COL24A1: variants seen among roughly 807,000 people sequenced by gnomAD.
COL24A1 encodes the protein collagen type XXIV alpha 1 chain.
In COL24A1, 224 loss-of-function variants were observed where a neutral mutation model predicts 253.9. That is an observed-to-expected ratio of 0.88 (90% confidence interval 0.79 to 0.99). The LOEUF is 0.99. COL24A1 is among the 50% of genes least tolerant of loss of function. The probability of loss-of-function intolerance (pLI) is 0.00; values close to 1 mark genes in which losing one functional copy is unlikely to be tolerated. For synonymous variants in COL24A1, 685 were observed against 673.7 expected (o/e 1.02, Z -0.26); for missense variants, 2,131 against 2,068.5 (o/e 1.03, Z -0.59).
chr1:85,756,138 G>A (rs1294320854), intron 55 of COL24A1, among the ~76,000 whole-genome samples: 1 of 150,314 alleles, frequency 6.7e-6, no homozygotes, highest in Admixed American at 6.6e-5. Flanking sequence ...CTAAAGAAGA[G>A]GCTGGGCACA....
At chr1:85,910,157 G>A (rs41306625) in intron 25 of COL24A1, among the ~76,000 whole-genome samples, 154 bp from the exon 26 acceptor site, 17,752 of 151,674 alleles carry the variant, frequency 0.12, 1,156 homozygotes, top group South Asian at 0.23. Context: ...CAAATTTGGC[G>A]CTTTATCTTA....
intron 5 of COL24A1, among the ~76,000 whole-genome samples, chr1:86,107,427 T>C (rs1042418089): frequency 5.3e-5 from 8 of 152,188 alleles, no homozygotes; most frequent in African/African-American, 1.7e-4. Flanking sequence ...ATTCTAGAAA[T>C]GCATGTTAAG....
chr1:86,127,463 C>T (rs1482384632), intron 2 of COL24A1, among the ~76,000 whole-genome samples: 1 of 151,964 alleles, frequency 6.6e-6, no homozygotes, highest in Non-Finnish European at 1.5e-5. Flanking sequence ...ATGAATTTGT[C>T]CCACAGCAAT....
intron 2 of COL24A1, among the ~76,000 whole-genome samples, chr1:86,145,775 T>C (rs977034648): frequency 1.3e-5 from 2 of 152,050 alleles, no homozygotes; most frequent in African/African-American, 4.8e-5. Flanking sequence ...TTTTGTTGTA[T>C]CAAGAAGTGC....
chr1:86,089,391 T>A (rs1468373459), intron 6 of COL24A1, among the ~76,000 whole-genome samples, 164 bp from the exon 7 acceptor site: 1 of 152,190 alleles, frequency 6.6e-6, no homozygotes, highest in Admixed American at 6.5e-5. Context: ...CCTTTCCTTA[T>A]CTCTTCCAGG....
At chr1:86,046,724 A>G in intron 12 of COL24A1, 101 bp downstream of exon 12, 1 of 1,391,016 alleles carries the variant, frequency 7.2e-7, no homozygotes, top group Non-Finnish European at 1.0e-6. Flanking sequence ...ATTATAAACA[A>G]CAACAAAAAG....
rs759039836 is a variant in COL24A1, at chr1:86,089,123, A to C, written c.1707+51T>G. The C allele has an allele frequency of 1.9e-5, 28 of 1,450,018 alleles. No homozygotes were observed. In the South Asian group the frequency reaches 3.3e-4, roughly 17 times the overall value. 89.8% of individuals were successfully genotyped at this position (1,450,018 alleles called of 1,614,324 possible). On this transcript the variant is annotated intron_variant, in intron 7 of 59. Transcript: ENST00000370571. ...ACAGGTATCCCTGAAGAAAAAGACA[A>C]AAAAAAGAAAAAAAGAAGAAAAAAA...
chr1:86,031,187 C>T (rs1431930392), intron 14 of COL24A1, among the ~76,000 whole-genome samples: 2 of 151,960 alleles, frequency 1.3e-5, no homozygotes, highest in East Asian at 1.9e-4. Flanking sequence ...GTGATATAAG[C>T]CAGGCACAGA....
chr1:85,736,705 T>C, intron 58 of COL24A1: 1 of 339,354 alleles, frequency 2.9e-6, no homozygotes, highest in Non-Finnish European at 5.8e-6. Context: ...GGCACATGTA[T>C]CAGTTCTTTG....
chr1:86,103,865 G>A (rs1271242088), intron 5 of COL24A1, among the ~76,000 whole-genome samples: 1 of 152,104 alleles, frequency 6.6e-6, no homozygotes, highest in Non-Finnish European at 1.5e-5. Flanking sequence ...GTGTCTTGGG[G>A]ATGATCTTCT....
At chr1:85,966,816 A>G (rs1014660610) in intron 22 of COL24A1, among the ~76,000 whole-genome samples, 1 of 152,136 alleles carries the variant, frequency 6.6e-6, no homozygotes, top group Non-Finnish European at 1.5e-5. Flanking sequence ...AAGCAGATAG[A>G]GGGAAGAGAA....
At chr1:85,878,434 G>T (rs1681445186) in intron 32 of COL24A1, among the ~76,000 whole-genome samples, 1 of 152,200 alleles carries the variant, frequency 6.6e-6, no homozygotes, top group Non-Finnish European at 1.5e-5. Context: ...TGGGAATTGG[G>T]ATTTCAACAT....
chr1:85,851,855 A>G (rs313707), intron 37 of COL24A1, among the ~76,000 whole-genome samples: 56,209 of 152,012 alleles, frequency 0.37, 11,569 homozygotes, highest in East Asian at 0.57. Flanking sequence ...CCCAGCTTGT[A>G]TCTTATTTTC....
chr1:85,991,530 C>T (rs994703546), intron 19 of COL24A1, among the ~76,000 whole-genome samples: 1 of 152,110 alleles, frequency 6.6e-6, no homozygotes, highest in Non-Finnish European at 1.5e-5. Context: ...GTGGTAGTTA[C>T]AAGAGTCTGT....
intron 18 of COL24A1, among the ~76,000 whole-genome samples, chr1:86,018,484 A>T (rs1285662554): frequency 6.6e-6 from 1 of 152,240 alleles, no homozygotes; most frequent in Non-Finnish European, 1.5e-5. Flanking sequence ...AGGGGCTCTC[A>T]TTGGAGCCCT....
intron 47 of COL24A1, among the ~76,000 whole-genome samples, chr1:85,791,010 A>C (rs1431489356): frequency 6.6e-6 from 1 of 152,194 alleles, no homozygotes; most frequent in Non-Finnish European, 1.5e-5. Context: ...TTGTTAGCCC[A>C]ATAAGGAAAA....
intron 55 of COL24A1, among the ~76,000 whole-genome samples, chr1:85,754,824 G>A (rs941484837): frequency 6.6e-6 from 1 of 152,120 alleles, no homozygotes; most frequent in African/African-American, 2.4e-5. Context: ...AGACTTAAGA[G>A]ATCTGTAGGA....
In COL24A1 at chr1:86,125,110, T is replaced by G; in HGVS notation, c.1226A>C (p.Lys409Thr). The G allele has an allele frequency of 6.2e-7, 1 of 1,612,942 alleles. No individual in the cohort carries two copies. Among genetic ancestry groups the G allele is most frequent in the South Asian group, 1.1e-5 (1 of 91,038 alleles). The change falls in exon 3 of 60, where the codon AAG becomes ACG. Residue 409 changes from lysine (K) to threonine (T), a missense_variant. By Grantham distance (78) the Lys-to-Thr change is moderately conservative. Transcript: ENST00000370571. ...QIKQDTITNL[K>T]KAITANLHTN... ...GTGTAGATTTGCTGTGATAGCCTTC[T>G]TGAGATTAGTAATTGTATCTTGTTT...
At chr1:86,063,912 T>A (rs1307126939) in intron 7 of COL24A1, among the ~76,000 whole-genome samples, 153 bp from the exon 8 acceptor site, 1 of 151,928 alleles carries the variant, frequency 6.6e-6, no homozygotes, top group African/African-American at 2.4e-5. Context: ...TTAAATTTAA[T>A]CTTCTTTATT....
Sources: allele counts gnomAD v4.1 joint callset (sites outside exome capture counted in the v4.1 genomes callset), GRCh38; gene constraint gnomAD v4.1.1; transcripts MANE v1.5; gene names NCBI Gene and HGNC (gene_info 2026-07-23, HGNC 2026-07-21).